Variants in FAT3 observed in about 807,000 individuals in gnomAD.
FAT3 encodes FAT atypical cadherin 3.
In FAT3, 95 loss-of-function variants were observed where a neutral mutation model predicts 310.2. The ratio of observed to expected loss-of-function variants is 0.31; its 90% confidence interval spans 0.26 to 0.36. The LOEUF (loss-of-function observed/expected upper bound fraction) is 0.36, where lower values mean the gene tolerates loss of function less well. Among genes scored for constraint, FAT3 ranks in the 10% least tolerant of loss-of-function variants. The pLI, the probability that FAT3 is intolerant of heterozygous loss-of-function variation, is 1.00. For synonymous variants in FAT3, 2,314 were observed against 2,192.9 expected, an observed-to-expected ratio of 1.06 and a Z score of -1.54; for missense variants, 5,408 against 5,715.6, an observed-to-expected ratio of 0.95 and a Z score of 1.74.
chr11:92,822,343 C>T (rs1325979704), intron 13 of FAT3, among the ~76,000 whole-genome samples: 1 of 151,752 alleles, frequency 6.6e-6, no homozygotes, highest in Non-Finnish European at 1.5e-5. Context: ...CTCTGAACTG[C>T]TAATTTGGAT....
At chr11:92,348,134 G>T (rs1420639903) in intron 1 of FAT3, among the ~76,000 whole-genome samples, 1 of 151,174 alleles carries the variant, frequency 6.6e-6, no homozygotes, top group Non-Finnish European at 1.5e-5. Context: ...TGCCAGATAG[G>T]GCTTTTTTTT....
chr11:92,492,065 T>C (rs1952616276), intron 2 of FAT3, among the ~76,000 whole-genome samples: 1 of 152,124 alleles, frequency 6.6e-6, no homozygotes, highest in South Asian at 2.1e-4. Flanking sequence ...TGTGTTCTTA[T>C]GCAGTAATTG....
Position 92,831,799 on chromosome 11 carries a change from C to T in FAT3, c.9659C>T (p.Thr3220Ile). The T allele has an allele frequency of 6.2e-7, 1 of 1,613,636 alleles. No homozygotes were observed. Among genetic ancestry groups the T allele is most frequent in the Non-Finnish European group, 8.5e-7 (1 of 1,179,778 alleles). ...QSPGQSLSSLTTVTITVLDIN... is the reference protein window; with the variant it reads ...QSPGQSLSSLITVTITVLDIN... ...CCTGGACAGTCCCTGTCCTCTCTCA[C>T]TACTGTCACCATCACCGTTCTGGAC... is the stretch of plus-strand genomic sequence containing the variant. Residue 3220 changes from threonine (T) to isoleucine (I), a missense_variant, in exon 14 of 28, where the codon ACT becomes ATT. Around this residue, in one of 5 missense-constraint regions of FAT3, gnomAD observed 4,588 missense variants for 4,809.8 expected, o/e 0.95. Coordinates refer to ENST00000525166, the MANE Select transcript of FAT3 (RefSeq NM_001367949.2).
chr11:92,843,879 C>CT, intron 18 of FAT3, 55 bp from the exon 19 acceptor site: 1 of 1,504,524 alleles, frequency 6.6e-7, no homozygotes, highest in Non-Finnish European at 8.9e-7. Context: ...TTTTTAAAAA[C>CT]TTACTATGAT....
At chr11:92,479,601 T>C (rs945016207) in intron 2 of FAT3, among the ~76,000 whole-genome samples, 14 of 152,164 alleles carry the variant, frequency 9.2e-5, no homozygotes, top group African/African-American at 3.4e-4. Context: ...TAAGGTCCCT[T>C]GGTCAAACAC....
chr11:92,582,510 G>A (rs933892022), intron 3 of FAT3, among the ~76,000 whole-genome samples: 1 of 151,870 alleles, frequency 6.6e-6, no homozygotes, highest in Non-Finnish European at 1.5e-5. Flanking sequence ...GATAATTCTA[G>A]CAATCCTTCA....
At chr11:92,482,630 T>TTCTCAGCTCCGCATCCC (rs1952261455) in intron 2 of FAT3, among the ~76,000 whole-genome samples, 1 of 152,166 alleles carries the variant, frequency 6.6e-6, no homozygotes, top group Non-Finnish European at 1.5e-5. Context: ...GCTTTCTCTT[T>TTCTCAGCTCCGCATCCC]TCTCAGCTCC....
chr11:92,675,847 A>G (rs2135840566), intron 3 of FAT3, among the ~76,000 whole-genome samples: 1 of 152,296 alleles, frequency 6.6e-6, no homozygotes, highest in Non-Finnish European at 1.5e-5. Context: ...TGCAGGAGAA[A>G]AAAATCATCT....
intron 3 of FAT3, among the ~76,000 whole-genome samples, chr11:92,620,155 T>C (rs868395519): frequency 2.0e-5 from 3 of 152,278 alleles, no homozygotes; most frequent in Middle Eastern, 6.8e-3. Flanking sequence ...ATATATGAGA[T>C]TTTTAAAAAT....
At position 92,894,325 on chromosome 11, in the gene FAT3, CTT is replaced by C. The variant is rs1257567486; in HGVS notation, c.*3214_*3215del. On this transcript the variant is annotated 3_prime_UTR_variant, in exon 28 of 28. Coordinates refer to ENST00000525166, the MANE Select transcript of FAT3 (RefSeq NM_001367949.2). ...AGACCAGTCATCAGTTGTAGTGAAA[CTT>C]TGATTATACTGTTACCTACTGGTTG... The C allele has an allele frequency of 3.4e-4, 52 of 152,282 alleles. No homozygotes were observed. The highest frequency in any genetic ancestry group is 3.4e-3 in the Admixed American group (52 of 15,292). The allele number at this position is 152,282 out of a possible 1,614,324, so 9.4% of individuals were successfully genotyped here.
At chr11:92,655,288 A>G (rs1390096416) in intron 3 of FAT3, among the ~76,000 whole-genome samples, 3 of 152,208 alleles carry the variant, frequency 2.0e-5, no homozygotes, top group Admixed American at 6.5e-5. Context: ...GAGGACAGCA[A>G]CAGGGTCAGT....
intron 3 of FAT3, among the ~76,000 whole-genome samples, chr11:92,574,439 G>A (rs952127659): frequency 6.6e-6 from 1 of 152,088 alleles, no homozygotes; most frequent in Admixed American, 6.6e-5. Context: ...TGTGTCTTGT[G>A]TGGCCTCTGC....
chr11:92,486,130 G>GTTTTTTTTTTTTTTTTTTTTTT (rs71064714), intron 2 of FAT3, among the ~76,000 whole-genome samples: 21 of 37,140 alleles, frequency 5.7e-4, no homozygotes, highest in South Asian at 2.4e-3. Flanking sequence ...GGCTGCTGGG[G>GTTTTTTTTTTTTTTTTTTTTTT]TTTTTTTTTT....
At chr11:92,351,121 G>A (rs1259313673) in intron 1 of FAT3, among the ~76,000 whole-genome samples, 2 of 152,094 alleles carry the variant, frequency 1.3e-5, no homozygotes, top group Non-Finnish European at 2.9e-5. Context: ...AGTATCTCTT[G>A]TAATTTCTAA....
At chr11:92,313,710 C>A (rs1947365844) in intron 1 of FAT3, among the ~76,000 whole-genome samples, 1 of 152,150 alleles carries the variant, frequency 6.6e-6, no homozygotes, top group African/African-American at 2.4e-5. Flanking sequence ...CAGGCATGCG[C>A]CAACATGCCT....
At chr11:92,826,126 G>A (rs1286004391) in intron 13 of FAT3, among the ~76,000 whole-genome samples, 1 of 152,130 alleles carries the variant, frequency 6.6e-6, no homozygotes, top group African/African-American at 2.4e-5. Flanking sequence ...CTTATTAAAT[G>A]GAAGTGTCAT....
intron 3 of FAT3, among the ~76,000 whole-genome samples, chr11:92,555,465 A>G (rs1018101796): frequency 6.6e-6 from 1 of 152,206 alleles, no homozygotes; most frequent in African/African-American, 2.4e-5. Flanking sequence ...CCTCTGGGAT[A>G]ACAGTTTGCG....
chr11:92,565,929 C>T (rs1034380963), intron 3 of FAT3, among the ~76,000 whole-genome samples: 8 of 152,046 alleles, frequency 5.3e-5, no homozygotes, highest in Non-Finnish European at 8.8e-5. Flanking sequence ...CAGCCAATAT[C>T]GTACTGAATG....
In FAT3 at chr11:92,354,343, A is replaced by G; in HGVS notation, c.2231A>G (p.Asn744Ser). ...AAGGAGGATCTGCCAGTTGGTGCTA[A>G]CATTCTGAAGATTAAAGCCTATGAT... ...AVKEDLPVGA[N>S]ILKIKAYDAD... The change falls in exon 2 of 28, where the codon AAC becomes AGC. Residue 744 changes from asparagine to serine, a missense_variant. Asn to Ser is a conservative substitution (Grantham distance 46). Transcript: ENST00000525166. The G allele has an allele frequency of 6.2e-7, 1 of 1,613,856 alleles. No individual in the cohort carries two copies. The highest frequency in any genetic ancestry group is 8.5e-7 in the Non-Finnish European group (1 of 1,179,862).
Sources: gnomAD v4.1 joint callset for allele counts (sites outside exome capture counted in the v4.1 genomes callset) on GRCh38, gnomAD v4.1.1 for gene constraint, gnomAD v4.1.1 regional missense constraint, MANE v1.5 for transcripts, NCBI Gene and HGNC (gene_info 2026-07-23, HGNC 2026-07-21) for gene names.